Variants in FGR observed in about 807,000 individuals in gnomAD.
The protein encoded by FGR is tyrosine-protein kinase Fgr.
A neutral mutation model predicts 63.2 loss-of-function variants in FGR; 26 were observed. The ratio of observed to expected loss-of-function variants is 0.41; its 90% confidence interval spans 0.30 to 0.57. The LOEUF is 0.57. Among genes scored for constraint, FGR ranks in the 20% least tolerant of loss-of-function variants. The pLI is 0.27. For missense variants in FGR, 511 were observed against 690.8 expected, an observed-to-expected ratio of 0.74 and a Z score of 2.92; for synonymous variants, 286 against 277.7, an observed-to-expected ratio of 1.03 and a Z score of -0.30.
In FGR at chr1:27,615,083, C is replaced by T. The variant is rs1190870265; in HGVS notation, c.1019-157G>A. Among the ~76,000 whole-genome samples the T allele has an allele frequency of 2.6e-5, 4 of 151,922 alleles. No individual in the cohort carries two copies. The highest frequency in any genetic ancestry group is 9.7e-5 in the African/African-American group (4 of 41,316). ...ACCCCTCACTTGTCTCGTCCTGGCC[C>T]TGCTGCCAGACACGGACTCTGCCCA... On this transcript the variant is annotated intron_variant, in intron 9 of 12. Coordinates refer to ENST00000374005, the MANE Select transcript of FGR (RefSeq NM_005248.3). The surrounding 1 kb of genome is among the most constrained non-coding windows in gnomAD (Gnocchi z 7.6).
At chr1:27,618,892 C>T (rs1342176393) in intron 5 of FGR, among the ~76,000 whole-genome samples, 1 of 152,220 alleles carries the variant, frequency 6.6e-6, no homozygotes, top group Non-Finnish European at 1.5e-5. Flanking sequence ...TCCTCACCTC[C>T]CACTCCCTCC....
At chr1:27,629,209 A>C (rs774927549) in intron 1 of FGR, among the ~76,000 whole-genome samples, 10 of 152,050 alleles carry the variant, frequency 6.6e-5, no homozygotes, top group Non-Finnish European at 1.3e-4. Context: ...CTGACTCTCA[A>C]AAAAAGAAAA....
intron 4 of FGR, among the ~76,000 whole-genome samples, chr1:27,622,372 A>G (rs1290504849): frequency 6.6e-6 from 1 of 151,546 alleles, no homozygotes; most frequent in Non-Finnish European, 1.5e-5. Context: ...TGCATCCCAT[A>G]TTTTATGAAC....
chr1:27,628,552 CACACAGAT>C (rs2090058955), intron 1 of FGR, among the ~76,000 whole-genome samples: 1 of 150,002 alleles, frequency 6.7e-6, no homozygotes, highest in African/African-American at 2.5e-5. Flanking sequence ...CACACACACA[CACACAGAT>C]ATACACAGCC....
Position 27,616,862 on chromosome 1 carries a change from T to C in FGR, c.677A>G (p.Tyr226Cys). ...TCTGAGGCCCCTGCCCTCACCCATG[T>C]AGTGCTGCACCAGCTCCTGCACCGA... is the stretch of plus-strand genomic sequence containing the variant. ...FNSVQELVQH[Y>C]MEVNDGLCNL... The change falls in exon 7 of 13, where the codon TAC (tyrosine) becomes TGC (cysteine). Residue 226 changes from tyrosine to cysteine, a missense_variant. Tyr to Cys is a radical substitution (Grantham distance 194). Coordinates refer to ENST00000374005, the MANE Select transcript of FGR (RefSeq NM_005248.3). The surrounding 1 kb of genome is among the most constrained non-coding windows in gnomAD (Gnocchi z 4.3). The C allele has an allele frequency of 6.2e-7, 1 of 1,614,148 alleles. No individual in the cohort carries two copies. Among genetic ancestry groups the C allele is most frequent in the Non-Finnish European group, 8.5e-7 (1 of 1,180,002 alleles).
At position 27,612,678 on chromosome 1, in the gene FGR, G is replaced by A; in HGVS notation, c.*236C>T. On this transcript the variant is annotated 3_prime_UTR_variant, in exon 13 of 13. Transcript: ENST00000374005. ...AGGCTACAGGCATGTAGGGGCCTAA[G>A]TGGAAAAGGAAGAAATAGTGCTTGG... The A allele has an allele frequency of 1.9e-6, 1 of 532,480 alleles. No individual in the cohort carries two copies. Among genetic ancestry groups the A allele is most frequent in the South Asian group, 2.4e-5 (1 of 42,032 alleles). The allele number at this position is 532,480 out of a possible 1,614,324, so 33.0% of individuals were successfully genotyped here. A position where few individuals can be genotyped will look rare whatever the true frequency, so the allele number is the denominator to read the frequency against.
chr1:27,632,199 C>T (rs1160282280), intron 1 of FGR, among the ~76,000 whole-genome samples: 1 of 149,316 alleles, frequency 6.7e-6, no homozygotes. Context: ...TGCGATGGTT[C>T]GATCTCGGCT....
chr1:27,615,039 G>C lies in FGR; in HGVS notation c.1019-113C>G. On this transcript the variant is annotated intron_variant, in intron 9 of 12. Transcript: ENST00000374005. The surrounding 1 kb of genome is among the most constrained non-coding windows in gnomAD (Gnocchi z 7.6). The stretch of plus-strand genomic sequence containing the variant: ...CCCACCTGGACCCGCCCCTCACTTA[G>C]GACCCCGCGGGTGCCTCAACCCCTC... 1 of 779,722 alleles carries C rather than the reference G, an allele frequency of 1.3e-6. No homozygotes were observed. The highest frequency in any genetic ancestry group is 2.2e-5 in the Admixed American group (1 of 44,730). 48.3% of individuals were successfully genotyped at this position (779,722 alleles called of 1,614,324 possible). A position where few individuals can be genotyped will look rare whatever the true frequency, so the allele number is the denominator to read the frequency against.
At chr1:27,614,035 C>T (rs1479042499) in intron 11 of FGR, among the ~76,000 whole-genome samples, 1 of 152,178 alleles carries the variant, frequency 6.6e-6, no homozygotes, top group Non-Finnish European at 1.5e-5. Flanking sequence ...AGGTAACTTG[C>T]CCAGATCACA....
chr1:27,616,038 G>A lies in FGR; in HGVS notation c.683-194C>T, dbSNP rs2089805721. 6.6e-6 allele frequency among the ~76,000 whole-genome samples: 1 copy of A among 152,226 alleles called. No homozygotes were observed. ...CATGTTGGTGCCCAAGGAAGGGGGT[G>A]GCACCCAGAGGGAGAGATGATCCCT... On this transcript the variant is annotated intron_variant, in intron 7 of 12. Coordinates refer to ENST00000374005, the MANE Select transcript of FGR (RefSeq NM_005248.3). The surrounding 1 kb of genome is among the most constrained non-coding windows in gnomAD (Gnocchi z 4.3).
Position 27,623,025 on chromosome 1 carries a change from G to A in FGR, c.329+17C>T. The A allele has an allele frequency of 6.4e-7, 1 of 1,572,034 alleles. No individual in the cohort carries two copies. Among genetic ancestry groups the A allele is most frequent in the Non-Finnish European group, 8.8e-7 (1 of 1,141,596 alleles). ...CCAGCCCAGGCAATGTTCTGACTAG[G>A]TGGCCTGGTCACTTACGTATTGTTC... On this transcript the variant is annotated intron_variant, in intron 4 of 12. Coordinates refer to ENST00000374005, the MANE Select transcript of FGR (RefSeq NM_005248.3).
At position 27,615,011 on chromosome 1, in the gene FGR, C is replaced by T. The variant is rs1198800951; in HGVS notation, c.1019-85G>A. The T allele has an allele frequency of 9.0e-7, 1 of 1,116,654 alleles. No homozygotes were observed. The highest frequency in any genetic ancestry group is 2.6e-5 in the East Asian group (1 of 38,918). 69.2% of individuals were successfully genotyped at this position (1,116,654 alleles called of 1,614,324 possible). A position where few individuals can be genotyped will look rare whatever the true frequency, so the allele number is the denominator to read the frequency against. ...TCTCGCTTGACCCCGCCCCTCAGCC[C>T]CTCCCACCTGGACCCGCCCCTCACT... On this transcript the variant is annotated intron_variant, in intron 9 of 12. Coordinates refer to ENST00000374005, the MANE Select transcript of FGR (RefSeq NM_005248.3). The surrounding 1 kb of genome is among the most constrained non-coding windows in gnomAD (Gnocchi z 7.6).
intron 1 of FGR, among the ~76,000 whole-genome samples, chr1:27,626,824 G>A (rs2090028354): frequency 6.6e-6 from 1 of 152,102 alleles, no homozygotes; most frequent in Non-Finnish European, 1.5e-5. Context: ...CCAGGGCCCA[G>A]CGGGAGGGAT....
At position 27,615,373 on chromosome 1, in the gene FGR, C is replaced by T; in HGVS notation, c.1018+61G>A. On this transcript the variant is annotated intron_variant, in intron 9 of 12. Transcript: ENST00000374005. The surrounding 1 kb of genome is among the most constrained non-coding windows in gnomAD (Gnocchi z 7.6). ...CACAGATCGCGTCCCAGGTCCCACG[C>T]CTGAAAACTCCCCTCTTAACTTCAC... The T allele has an allele frequency of 6.5e-7, 1 of 1,543,440 alleles. No homozygotes were observed.
chr1:27,624,053 G>T, intron 2 of FGR, 124 bp from the exon 3 acceptor site: 1 of 781,146 alleles, frequency 1.3e-6, no homozygotes, highest in Non-Finnish European at 2.0e-6. Context: ...GCCTAGATTG[G>T]GGTCCTCCCT....
At chr1:27,619,659 G>A (rs2089883643) in intron 5 of FGR, among the ~76,000 whole-genome samples, 2 of 152,252 alleles carry the variant, frequency 1.3e-5, no homozygotes, top group African/African-American at 4.8e-5. Context: ...GGATTAGCAT[G>A]GGCTGGTTGC....
intron 1 of FGR, 146 bp from the exon 2 acceptor site, chr1:27,625,297 C>T (rs762882036): frequency 1.3e-5 from 2 of 153,074 alleles, no homozygotes; most frequent in Non-Finnish European, 2.9e-5. Context: ...TTCCTATCAC[C>T]CCTGGCACAC....
At position 27,615,532 on chromosome 1, in the gene FGR, G is replaced by A; in HGVS notation, c.920C>T (p.Ala307Val). Residue 307 changes from alanine (A) to valine (V), a missense_variant, in exon 9 of 13, where the codon GCG (alanine) becomes GTG (valine). Ala to Val is a moderately conservative substitution (Grantham distance 64, BLOSUM62 0). Transcript: ENST00000374005. This position sits in a 1 kb window ranked among gnomAD's most constrained non-coding sequence, Gnocchi z 7.6. ...TMSPKAFLEE[A>V]QVMKLLRHDK... ...GTGCCGCAGCAGCTTCATGACCTGCGCCTCCTCCAGGAAGGCCTTCGGGGA... is the reference window on the plus strand; with the variant it reads ...GTGCCGCAGCAGCTTCATGACCTGCACCTCCTCCAGGAAGGCCTTCGGGGA... 6.2e-7 allele frequency: 1 copy of A among 1,613,912 alleles called. No homozygotes were observed. The highest frequency in any genetic ancestry group is 8.5e-7 in the Non-Finnish European group (1 of 1,179,842).
Position 27,612,892 on chromosome 1 carries a change from A to G in FGR, c.*22T>C, listed in dbSNP as rs1192065746. 1 of 1,605,642 alleles carries G rather than the reference A, an allele frequency of 6.2e-7. No individual in the cohort carries two copies. On this transcript the variant is annotated 3_prime_UTR_variant, in exon 13 of 13. Coordinates refer to ENST00000374005, the MANE Select transcript of FGR (RefSeq NM_005248.3). Reference sequence around the variant, plus strand: ...GGCAAGGACTGGTGGCCACCGCCAGAGAGGGTTGATGCCCGGACAGGCTAT... The same window carrying G: ...GGCAAGGACTGGTGGCCACCGCCAGGGAGGGTTGATGCCCGGACAGGCTAT...
Sources: allele counts gnomAD v4.1 joint callset (sites outside exome capture counted in the v4.1 genomes callset), GRCh38; gene constraint gnomAD v4.1.1; non-coding constraint Gnocchi (gnomAD v3.1); transcripts MANE v1.5; gene names NCBI Gene and HGNC (gene_info 2026-07-23, HGNC 2026-07-21).